Variants in RELN observed in about 807,000 individuals in gnomAD.
The protein encoded by RELN is reelin.
A neutral mutation model predicts 427.6 loss-of-function variants in RELN; 108 were observed. That is an observed-to-expected ratio of 0.25 (90% CI 0.22 to 0.30). The LOEUF (loss-of-function observed/expected upper bound fraction) is 0.30, where lower values mean the gene tolerates loss of function less well. Ranked by LOEUF, RELN falls within the 10% of genes least tolerant of loss-of-function variation. The pLI, the probability that RELN is intolerant of heterozygous loss-of-function variation, is 1.00. For missense variants in RELN, 3,715 were observed against 4,302.8 expected (o/e 0.86, Z 3.82); for synonymous variants, 1,524 against 1,513.4 (o/e 1.01, Z -0.16).
At position 103,573,154 on chromosome 7, in the gene RELN, T is replaced by A. The variant is rs1243683936; in HGVS notation, c.4512-894A>T. ...GGGTTTTGCCATGTTGGCCAGGAGC[T>A]GGTCTTGAATTCCTGACCTCAAGTG... On this transcript the variant is annotated intron_variant, in intron 30 of 64. Coordinates refer to ENST00000428762, the MANE Select transcript of RELN (RefSeq NM_005045.4). The surrounding 1 kb of genome is among the most constrained non-coding windows in gnomAD (Gnocchi z 4.4). 6.6e-6 allele frequency among the ~76,000 whole-genome samples: 1 copy of A among 152,238 alleles called. No homozygotes were observed. The highest frequency in any genetic ancestry group is 2.4e-5 in the African/African-American group (1 of 41,464).
At chr7:103,644,787 A>T (rs1832764989) in intron 16 of RELN, among the ~76,000 whole-genome samples, 1 of 151,788 alleles carries the variant, frequency 6.6e-6, no homozygotes, top group Admixed American at 6.6e-5. Flanking sequence ...ACAGAACTCC[A>T]GAAAAATACA....
chr7:103,669,152 T>C (rs910186604), intron 11 of RELN, among the ~76,000 whole-genome samples: 1 of 152,178 alleles, frequency 6.6e-6, no homozygotes, highest in African/African-American at 2.4e-5. Flanking sequence ...TTAGGTTTTA[T>C]TTCTCCCACG....
Position 103,589,780 on chromosome 7 carries a change from G to T in RELN, c.3961C>A (p.Leu1321Ile). Residue 1321 changes from leucine (L) to isoleucine (I), a missense_variant, in exon 28 of 65, where the codon CTT (leucine) becomes ATT (isoleucine). Leu to Ile is a conservative substitution (Grantham distance 5). Around this residue, in one of 4 missense-constraint regions of RELN, gnomAD observed 2,208 missense variants for 2,361.7 expected, o/e 0.93. Transcript: ENST00000428762. ...NQFSSTAPVLLQYSHDAGMSW... is the reference protein window; with the variant it reads ...NQFSSTAPVLIQYSHDAGMSW... ...ATACCAGCATCATGAGAGTACTGAAGAAGAACTGGAGCAGTACTGCTGAAT... is the reference window on the plus strand; with the variant it reads ...ATACCAGCATCATGAGAGTACTGAATAAGAACTGGAGCAGTACTGCTGAAT... The T allele has an allele frequency of 6.2e-7, 1 of 1,613,216 alleles. No homozygotes were observed. Among genetic ancestry groups the T allele is most frequent in the Admixed American group, 1.7e-5 (1 of 60,030 alleles).
chr7:103,547,437 C>T (rs1562884208), intron 41 of RELN, among the ~76,000 whole-genome samples: 1 of 152,152 alleles, frequency 6.6e-6, no homozygotes, highest in Non-Finnish European at 1.5e-5. Context: ...GCTGGGATTA[C>T]AGGCGCCCGC....
intron 17 of RELN, among the ~76,000 whole-genome samples, chr7:103,638,453 C>CG (rs35663320): frequency 6.6e-6 from 1 of 151,980 alleles, no homozygotes; most frequent in African/African-American, 2.4e-5. Flanking sequence ...CAGTAAAACA[C>CG]GGGGGAGAGG....
At chr7:103,545,511 G>A (rs993090237) in intron 41 of RELN, among the ~76,000 whole-genome samples, 167 bp from the exon 42 acceptor site, 3 of 152,134 alleles carry the variant, frequency 2.0e-5, no homozygotes, top group Non-Finnish European at 4.4e-5. Context: ...CAATCTCCAG[G>A]ATTTTGCCAA....
At chr7:103,571,535 C>T (rs539192734) in intron 31 of RELN, among the ~76,000 whole-genome samples, 1 of 152,312 alleles carries the variant, frequency 6.6e-6, no homozygotes, top group African/African-American at 2.4e-5. Context: ...TGAATCCCTG[C>T]TCATCCACTT....
In RELN at chr7:103,604,846, T is replaced by C. The variant is rs185804687; in HGVS notation, c.3009-363A>G. Among the ~76,000 whole-genome samples the C allele has an allele frequency of 7.4e-3, 1,120 of 151,700 alleles. 8 individuals are homozygous for C. Among genetic ancestry groups the C allele is most frequent in the Non-Finnish European group, 0.011 (743 of 67,866 alleles). On this transcript the variant is annotated intron_variant, in intron 22 of 64. Coordinates refer to ENST00000428762, the MANE Select transcript of RELN (RefSeq NM_005045.4). ...ACCTATCTTTCTTTTTTTTTTTTTTTTGAGACAGAGTCTCACTCTGTTGCC... is the reference window on the plus strand; with the variant it reads ...ACCTATCTTTCTTTTTTTTTTTTTTCTGAGACAGAGTCTCACTCTGTTGCC...
At chr7:103,985,596 G>C (rs1162798199) in intron 1 of RELN, among the ~76,000 whole-genome samples, 4 of 152,090 alleles carry the variant, frequency 2.6e-5, no homozygotes. Context: ...CTATTATCTG[G>C]CTGTTCAGTG....
intron 6 of RELN, among the ~76,000 whole-genome samples, chr7:103,749,086 T>C (rs1790928950): frequency 6.6e-6 from 1 of 152,178 alleles, no homozygotes; most frequent in African/African-American, 2.4e-5. Flanking sequence ...TCAAATCATT[T>C]GTCATTTCAG....
At chr7:103,742,494 T>C (rs1001169055) in intron 6 of RELN, among the ~76,000 whole-genome samples, 2 of 151,832 alleles carry the variant, frequency 1.3e-5, no homozygotes, top group Non-Finnish European at 2.9e-5. Context: ...TTCAAACCAA[T>C]GGCAAAGAAG....
Position 103,610,716 on chromosome 7 carries a change from A to G in RELN, c.2987T>C (p.Val996Ala). The part of the protein sequence containing the change: ...SEFTQWRRVI[V>A]LLPQKTWSSA... ...TCACCAAGTTTTCTGGGGAAGAAGC[A>G]CTATGACTCTCCTCCACTGTGTAAA... Residue 996 changes from valine (V) to alanine (A), a missense_variant, in exon 22 of 65, where the codon GTG becomes GCG. This residue lies in a region of RELN where 2,208 missense variants were observed against 2,361.7 expected (regional missense o/e 0.93). Coordinates refer to ENST00000428762, the MANE Select transcript of RELN (RefSeq NM_005045.4). 6.3e-7 allele frequency: 1 copy of G among 1,592,924 alleles called. No individual in the cohort carries two copies. Among genetic ancestry groups the G allele is most frequent in the Non-Finnish European group, 8.6e-7 (1 of 1,160,988 alleles).
chr7:103,476,399 G>C (rs1231427828), intron 64 of RELN, among the ~76,000 whole-genome samples: 2 of 152,140 alleles, frequency 1.3e-5, no homozygotes, highest in East Asian at 3.9e-4. Flanking sequence ...AGAATTGCTT[G>C]AACCTGGGAG....
At chr7:103,910,534 C>T (rs1410602426) in intron 2 of RELN, among the ~76,000 whole-genome samples, 42 of 150,256 alleles carry the variant, frequency 2.8e-4, no homozygotes, top group African/African-American at 8.8e-4. Flanking sequence ...AAAAAGAGCC[C>T]GCATCGCCAA....
intron 2 of RELN, among the ~76,000 whole-genome samples, chr7:103,843,611 CTG>C (rs1793607886): frequency 6.6e-6 from 1 of 152,210 alleles, no homozygotes; most frequent in Non-Finnish European, 1.5e-5. Flanking sequence ...CTTAGGCTCT[CTG>C]TCTTTTTCTC....
At chr7:103,648,844 A>G (rs981399247) in intron 16 of RELN, among the ~76,000 whole-genome samples, 1 of 152,126 alleles carries the variant, frequency 6.6e-6, no homozygotes, top group African/African-American at 2.4e-5. Flanking sequence ...AATGCTAAGC[A>G]TCACTAATTA....
At chr7:103,641,485 T>C (rs540723809) in intron 16 of RELN, among the ~76,000 whole-genome samples, 1 of 152,304 alleles carries the variant, frequency 6.6e-6, no homozygotes, top group African/African-American at 2.4e-5. Flanking sequence ...TGATGGAAAC[T>C]GCTGGTTTAG....
intron 6 of RELN, among the ~76,000 whole-genome samples, chr7:103,747,165 A>C (rs1242325493): frequency 6.6e-6 from 1 of 151,900 alleles, no homozygotes; most frequent in Non-Finnish European, 1.5e-5. Flanking sequence ...TCGCAAGGAC[A>C]AAAAACCAAA....
Position 103,874,142 on chromosome 7 carries a change from G to C in RELN, c.338-40470C>G, listed in dbSNP as rs1794419339. Among the ~76,000 whole-genome samples, 2 of 140,036 alleles carry C rather than the reference G, an allele frequency of 1.4e-5. 1 individual carries two copies. Among genetic ancestry groups the C allele is most frequent in the Non-Finnish European group, 3.1e-5 (2 of 63,702 alleles). 91.9% of individuals were successfully genotyped at this position (140,036 alleles called of 152,430 possible). ...CTCAATAGATGCAGAAAAAGCCTTT[G>C]ACAAAATTCAACAACCCTTCATGCT... On this transcript the variant is annotated intron_variant, in intron 2 of 64. Coordinates refer to ENST00000428762, the MANE Select transcript of RELN (RefSeq NM_005045.4).
Sources: allele counts gnomAD v4.1 joint callset (sites outside exome capture counted in the v4.1 genomes callset), GRCh38; gene constraint gnomAD v4.1.1; regional missense constraint gnomAD v4.1.1; non-coding constraint Gnocchi (gnomAD v3.1); transcripts MANE v1.5; gene names NCBI Gene and HGNC (gene_info 2026-07-23, HGNC 2026-07-21).